NKAIN3: variants seen among roughly 807,000 people sequenced by gnomAD.
NKAIN3 encodes the protein sodium/potassium-transporting ATPase subunit beta-1-interacting protein 3.
Under a neutral mutation model 30.2 loss-of-function variants are expected in NKAIN3, and 25 were observed. That is an observed-to-expected ratio of 0.83 (90% CI 0.60 to 1.16). The LOEUF (loss-of-function observed/expected upper bound fraction) is 1.16, where lower values mean the gene tolerates loss of function less well. Among genes scored for constraint, NKAIN3 ranks in the 50% most tolerant of loss-of-function variants. NKAIN3 has a pLI of 0.00. For missense variants in NKAIN3, 225 were observed against 254.1 expected (o/e 0.89, Z 0.78); for synonymous variants, 91 against 89.6 (o/e 1.02, Z -0.09).
intron 1 of NKAIN3, among the ~76,000 whole-genome samples, chr8:62,540,719 C>T (rs1483576576): frequency 6.6e-6 from 1 of 151,428 alleles, no homozygotes; most frequent in Non-Finnish European, 1.5e-5. Flanking sequence ...GTGTGATGTT[C>T]ATGTGTGTGT....
chr8:62,868,392 C>G (rs985786481), intron 4 of NKAIN3, among the ~76,000 whole-genome samples: 1 of 148,738 alleles, frequency 6.7e-6, no homozygotes. Context: ...TAAACTAAGA[C>G]TATGCTAGCA....
At chr8:62,867,333 A>G (rs980160418) in intron 4 of NKAIN3, among the ~76,000 whole-genome samples, 1 of 152,214 alleles carries the variant, frequency 6.6e-6, no homozygotes, top group African/African-American at 2.4e-5. Flanking sequence ...CAACTTCTTC[A>G]TAAGACTGTT....
chr8:62,322,722 A>G (rs1409349828), intron 1 of NKAIN3, among the ~76,000 whole-genome samples: 2 of 152,164 alleles, frequency 1.3e-5, no homozygotes, highest in African/African-American at 2.4e-5. Flanking sequence ...TGCTTAAGCT[A>G]TTTAAATTGG....
intron 1 of NKAIN3, among the ~76,000 whole-genome samples, chr8:62,415,789 G>C (rs1461729261): frequency 2.0e-5 from 3 of 151,004 alleles, no homozygotes; most frequent in African/African-American, 7.3e-5. Context: ...ACAGAGTCTC[G>C]CTCTGTCGCC....
At chr8:62,529,074 ATC>A (rs1430005093) in intron 1 of NKAIN3, among the ~76,000 whole-genome samples, 48 of 152,124 alleles carry the variant, frequency 3.2e-4, no homozygotes, top group Non-Finnish European at 1.0e-4. Flanking sequence ...CTTCTTTATC[ATC>A]CATAGCAGAT....
At chr8:62,524,312 A>C (rs72651543) in intron 1 of NKAIN3, among the ~76,000 whole-genome samples, 2 of 152,090 alleles carry the variant, frequency 1.3e-5, no homozygotes, top group South Asian at 4.1e-4. Context: ...CAAACAGGCT[A>C]TATCTCTGAT....
At chr8:62,534,544 C>T (rs183606508) in intron 1 of NKAIN3, among the ~76,000 whole-genome samples, 299 of 152,252 alleles carry the variant, frequency 2.0e-3, no homozygotes, top group Middle Eastern at 0.017. Context: ...AACTGTAAAA[C>T]GCATCAGCTG....
chr8:62,446,246 C>A (rs1023700865), intron 1 of NKAIN3, among the ~76,000 whole-genome samples: 1 of 152,018 alleles, frequency 6.6e-6, no homozygotes. Flanking sequence ...AAGAAGAGAT[C>A]TTAGCATATG....
intron 3 of NKAIN3, among the ~76,000 whole-genome samples, chr8:62,729,697 C>T (rs1392896967): frequency 6.6e-6 from 1 of 152,080 alleles, no homozygotes; most frequent in Non-Finnish European, 1.5e-5. Context: ...TTTTTGTCAA[C>T]ATTATGTTTC....
intron 5 of NKAIN3, among the ~76,000 whole-genome samples, chr8:62,994,556 G>GTTCATTCA (rs202064359): frequency 2.6e-5 from 4 of 152,230 alleles, no homozygotes; most frequent in East Asian, 3.9e-4. Flanking sequence ...GACACTTCAA[G>GTTCATTCA]TTCATTCATT....
At chr8:62,562,461 G>A (rs1002304253) in intron 1 of NKAIN3, among the ~76,000 whole-genome samples, 3 of 152,064 alleles carry the variant, frequency 2.0e-5, no homozygotes, top group Admixed American at 6.6e-5. Flanking sequence ...TTTTTCTAAC[G>A]TTTTCATTAG....
chr8:62,722,105 A>G (rs1815112602), intron 3 of NKAIN3, among the ~76,000 whole-genome samples: 1 of 152,228 alleles, frequency 6.6e-6, no homozygotes, highest in Non-Finnish European at 1.5e-5. Flanking sequence ...AGCCACTATC[A>G]GTAAGGAGAA....
At chr8:62,485,331 A>C (rs767199111) in intron 1 of NKAIN3, among the ~76,000 whole-genome samples, 45 of 152,176 alleles carry the variant, frequency 3.0e-4, no homozygotes, top group Non-Finnish European at 5.6e-4. Context: ...ATGTAATTTC[A>C]AGATAGATGT....
rs768950903 is a variant in NKAIN3 at position 62,977,625 on chromosome 8, G to T, written c.*12218G>T. Among the ~76,000 whole-genome samples the T allele has an allele frequency of 6.6e-6, 1 of 151,972 alleles. No homozygotes were observed. The highest frequency in any genetic ancestry group is 6.6e-5 in the Admixed American group (1 of 15,248). ...AGCAATTCCTCTAACCTTTTATCAA[G>T]GTTCTTAGCTTCCTCGTATTGGGTT... On this transcript the variant is annotated 3_prime_UTR_variant, in exon 7 of 7. Transcript: ENST00000623646.
chr8:62,602,462 G>T (rs147731589), intron 3 of NKAIN3, among the ~76,000 whole-genome samples: 1,545 of 152,060 alleles, frequency 0.01, 11 homozygotes, highest in Non-Finnish European at 0.015. Context: ...TCATGAAATG[G>T]TTTTATTTCT....
At chr8:62,963,609 C>T (rs535247414) in intron 6 of NKAIN3, among the ~76,000 whole-genome samples, 8 of 152,272 alleles carry the variant, frequency 5.3e-5, no homozygotes, top group South Asian at 2.1e-4. Flanking sequence ...TTCCTTCTAA[C>T]GTAAAGATTG....
At chr8:62,596,874 G>A (rs1005267468) in intron 3 of NKAIN3, among the ~76,000 whole-genome samples, 1 of 152,170 alleles carries the variant, frequency 6.6e-6, no homozygotes, top group Middle Eastern at 3.4e-3. Flanking sequence ...ATGTGACTGG[G>A]TTAAGAGTTG....
intron 4 of NKAIN3, among the ~76,000 whole-genome samples, chr8:62,847,171 A>G (rs1270590818): frequency 6.6e-6 from 1 of 152,176 alleles, no homozygotes; most frequent in African/African-American, 2.4e-5. Flanking sequence ...TCTTTATAAC[A>G]GAATAATTTA....
chr8:62,855,992 C>T (rs1024685178), intron 4 of NKAIN3: 20 of 690,052 alleles, frequency 2.9e-5, no homozygotes, highest in African/African-American at 5.3e-5. Context: ...CAATCACCAG[C>T]AACTCCTCAG....
Sources: allele counts gnomAD v4.1 joint callset (sites outside exome capture counted in the v4.1 genomes callset), GRCh38; gene constraint gnomAD v4.1.1; transcripts MANE v1.5; gene names NCBI Gene and HGNC (gene_info 2026-07-23, HGNC 2026-07-21).